Variants in CD36 observed in about 807,000 individuals in gnomAD.
CD36 encodes the protein platelet glycoprotein 4.
A neutral mutation model predicts 55.2 loss-of-function variants in CD36; 119 were observed. The ratio of observed to expected loss-of-function variants is 2.15; its 90% CI spans 1.86 to 2.51. The LOEUF (loss-of-function observed/expected upper bound fraction) is 2.51, where lower values mean the gene tolerates loss of function less well. Among genes scored for constraint, CD36 ranks in the 30% most tolerant of loss-of-function variants. CD36 has a pLI of 0.00. For synonymous variants in CD36, 186 were observed against 193.6 expected (o/e 0.96, Z 0.33); for missense variants, 819 against 555.5 (o/e 1.47, Z -4.77).
intron 1 of CD36, among the ~76,000 whole-genome samples, chr7:80,625,919 G>A (rs550058004): frequency 5.9e-5 from 9 of 152,130 alleles, no homozygotes; most frequent in Non-Finnish European, 1.0e-4. Flanking sequence ...TTAGCACTGC[G>A]AATAATCCAA....
chr7:80,616,452 T>C (rs1273193997), intron 1 of CD36, among the ~76,000 whole-genome samples: 1 of 103,852 alleles, frequency 9.6e-6, no homozygotes. Flanking sequence ...TGTGTGTGCC[T>C]GCACGCACAC....
At chr7:80,650,198 T>A (rs1449003408) in intron 3 of CD36, among the ~76,000 whole-genome samples, 1 of 152,194 alleles carries the variant, frequency 6.6e-6, no homozygotes, top group South Asian at 2.1e-4. Flanking sequence ...GCCCCCTACA[T>A]GTCCATAGAC....
At chr7:80,667,242 A>G (rs180803568) in intron 8 of CD36, among the ~76,000 whole-genome samples, 1 of 152,230 alleles carries the variant, frequency 6.6e-6, no homozygotes, top group Non-Finnish European at 1.5e-5. Flanking sequence ...AGCCTGGGCA[A>G]CATAGCAAAA....
intron 1 of CD36, among the ~76,000 whole-genome samples, chr7:80,621,150 G>C (rs549877210): frequency 6.6e-6 from 1 of 152,064 alleles, no homozygotes; most frequent in Non-Finnish European, 1.5e-5. Flanking sequence ...ATAATTGTTA[G>C]CTTTTTTTTA....
At chr7:80,649,364 A>G (rs575727301) in intron 3 of CD36, among the ~76,000 whole-genome samples, 1 of 152,082 alleles carries the variant, frequency 6.6e-6, no homozygotes, top group Non-Finnish European at 1.5e-5. Context: ...ATAGGAAAAC[A>G]AACAAACAAA....
chr7:80,643,274 A>G (rs1206500738), intron 1 of CD36, among the ~76,000 whole-genome samples: 2 of 152,180 alleles, frequency 1.3e-5, no homozygotes, highest in Admixed American at 1.3e-4. Context: ...AAGGGCTAAT[A>G]TATGCACATA....
intron 5 of CD36, among the ~76,000 whole-genome samples, 179 bp from the exon 6 acceptor site, chr7:80,662,811 G>T (rs1314536117): frequency 6.6e-6 from 1 of 152,202 alleles, no homozygotes; most frequent in African/African-American, 2.4e-5. Flanking sequence ...CTGAGGCAAA[G>T]AAATGTAATC....
chr7:80,609,161 G>T (rs1219283376), intron 1 of CD36, among the ~76,000 whole-genome samples: 1 of 152,110 alleles, frequency 6.6e-6, no homozygotes, highest in African/African-American at 2.4e-5. Context: ...ATAAAGTTTG[G>T]TATAGTATGT....
At chr7:80,672,963 A>G in intron 12 of CD36, 120 bp downstream of exon 12, 1 of 722,646 alleles carries the variant, frequency 1.4e-6, no homozygotes, top group Non-Finnish European at 2.5e-6. Context: ...ACTTATCTTT[A>G]GCTTAATGTC....
chr7:80,644,251 C>T (rs1795000616), intron 1 of CD36, among the ~76,000 whole-genome samples: 1 of 152,164 alleles, frequency 6.6e-6, no homozygotes, highest in Admixed American at 6.5e-5. Flanking sequence ...CCACTCCACC[C>T]TGAACAATTA....
At chr7:80,669,420 A>G (rs1346860236) in intron 8 of CD36, among the ~76,000 whole-genome samples, 1 of 152,172 alleles carries the variant, frequency 6.6e-6, no homozygotes, top group Middle Eastern at 3.2e-3. Flanking sequence ...GATATTAATA[A>G]GTTAAATATA....
Position 80,663,119 on chromosome 7 carries a change from T to C in CD36, c.559T>C (p.Leu187=), listed in dbSNP as rs1400670155. 1 of 1,613,844 alleles carries C rather than the reference T, an allele frequency of 6.2e-7. No homozygotes were observed. Among genetic ancestry groups the C allele is most frequent in the Non-Finnish European group, 8.5e-7 (1 of 1,179,862 alleles). ...GTTATGGGGCTATAGGGATCCATTT[T>C]TGAGTTTGGTTCCGTACCCTGTTAC... ...ELLWGYRDPF[L]SLVPYPVTTT... The change falls in exon 6 of 15, where the codon TTG becomes CTG. Residue 187 remains leucine (L), a synonymous_variant. Transcript: ENST00000447544.
chr7:80,673,126 C>A, intron 12 of CD36: 1 of 499,232 alleles, frequency 2.0e-6, no homozygotes, highest in Non-Finnish European at 3.5e-6. Context: ...TTCAGTTCCC[C>A]GAGAATTTAT....
intron 1 of CD36, among the ~76,000 whole-genome samples, chr7:80,626,847 T>C (rs1392181538): frequency 2.0e-5 from 3 of 152,124 alleles, no homozygotes; most frequent in Non-Finnish European, 4.4e-5. Flanking sequence ...ATTTTAGTCA[T>C]GCTTTTAGGT....
At chr7:80,606,823 T>C (rs555866707) in intron 1 of CD36, among the ~76,000 whole-genome samples, 6 of 152,272 alleles carry the variant, frequency 3.9e-5, no homozygotes, top group Admixed American at 6.5e-5. Context: ...CTCTCTGAAA[T>C]TGGGGGATGG....
Position 80,630,538 on chromosome 7 carries a change from A to G in CD36, c.-183-15550A>G, listed in dbSNP as rs370803638. On this transcript the variant is annotated intron_variant, in intron 1 of 13. Transcript: ENST00000309881. ...TACTGAAAGCTTATTATAAAAATCA[A>G]TCTTTTGGGATGTGCTTCTCTATAG... 1.6e-4 allele frequency among the ~76,000 whole-genome samples: 24 copies of G among 152,202 alleles called. No individual in the cohort carries two copies. In the South Asian group the frequency reaches 2.3e-3, roughly 14 times the overall value.
intron 3 of CD36, among the ~76,000 whole-genome samples, chr7:80,648,154 G>A (rs1795312666): frequency 6.6e-6 from 1 of 152,004 alleles, no homozygotes; most frequent in African/African-American, 2.4e-5. Flanking sequence ...TTTAATACAG[G>A]CCAATGGAAA....
chr7:80,647,147 A>G (rs1562792313), intron 3 of CD36: 2 of 354,308 alleles, frequency 5.6e-6, no homozygotes, highest in Non-Finnish European at 1.1e-5. Context: ...GTTTTAAGTT[A>G]TGTCCAAAGA....
At chr7:80,646,616 T>G (rs968591965) in intron 2 of CD36, 36 bp from the exon 3 acceptor site, 10 of 1,166,886 alleles carry the variant, frequency 8.6e-6, no homozygotes, top group Admixed American at 1.8e-5. Context: ...GTACTGATAT[T>G]TAAGCTTCTG....
Sources: gnomAD v4.1 joint callset for allele counts (sites outside exome capture counted in the v4.1 genomes callset) on GRCh38, gnomAD v4.1.1 for gene constraint, MANE v1.5 for transcripts, NCBI Gene and HGNC (gene_info 2026-07-23, HGNC 2026-07-21) for gene names.